NEK11: variants seen among roughly 807,000 people sequenced by gnomAD.
NEK11 encodes NIMA related kinase 11.
NEK11 carries 72 observed loss-of-function variants against 80.7 expected under a neutral mutation model. The observed-to-expected ratio is 0.89, with a 90% CI of 0.74 to 1.08. NEK11 has a LOEUF of 1.08. NEK11 is among the 50% of genes least tolerant of loss of function. The pLI, the probability that NEK11 is intolerant of heterozygous loss-of-function variation, is 0.00. For missense variants in NEK11, 764 were observed against 763.6 expected (o/e 1.00, Z -0.01); for synonymous variants, 251 against 260.7 (o/e 0.96, Z 0.36).
chr3:131,160,160 T>A (rs1448568920), intron 10 of NEK11, among the ~76,000 whole-genome samples: 6 of 151,878 alleles, frequency 4.0e-5, no homozygotes, highest in Non-Finnish European at 8.8e-5. Context: ...AAAGAAAAAA[T>A]TTTAAAGGCA....
chr3:131,107,099 C>T (rs2079298692), intron 4 of NEK11, among the ~76,000 whole-genome samples: 1 of 152,004 alleles, frequency 6.6e-6, no homozygotes, highest in African/African-American at 2.4e-5. Flanking sequence ...AAGAGTGTGT[C>T]CCATTGCTTT....
At chr3:131,272,378 G>C (rs1271773810) in intron 16 of NEK11, among the ~76,000 whole-genome samples, 1 of 151,480 alleles carries the variant, frequency 6.6e-6, no homozygotes, top group Non-Finnish European at 1.5e-5. Flanking sequence ...CCCAGTTCCA[G>C]GGAGGAAAGA....
chr3:131,347,351 C>G (rs1349607040), intron 17 of NEK11, among the ~76,000 whole-genome samples: 3 of 152,192 alleles, frequency 2.0e-5, no homozygotes, highest in Non-Finnish European at 4.4e-5. Flanking sequence ...AATGCAAAAG[C>G]ACTTTGCAAG....
At chr3:131,298,205 G>C (rs1435556254) in intron 17 of NEK11, among the ~76,000 whole-genome samples, 1 of 151,804 alleles carries the variant, frequency 6.6e-6, no homozygotes, top group Admixed American at 6.6e-5. Context: ...TGTGAAGAAA[G>C]TCATTGGTAG....
At chr3:131,256,177 G>A (rs961442288) in intron 16 of NEK11, among the ~76,000 whole-genome samples, 1 of 152,054 alleles carries the variant, frequency 6.6e-6, no homozygotes, top group Admixed American at 6.6e-5. Context: ...ATATCATATT[G>A]TACATTTCAA....
chr3:131,065,041 G>T (rs530712991), intron 3 of NEK11, among the ~76,000 whole-genome samples: 2 of 152,294 alleles, frequency 1.3e-5, no homozygotes, highest in African/African-American at 4.8e-5. Flanking sequence ...GTACAAGGAA[G>T]GAACTTTACA....
In NEK11 at chr3:131,133,976, A is replaced by G. The variant is rs1468469406; in HGVS notation, c.647+20A>G. The G allele has an allele frequency of 6.3e-7, 1 of 1,575,996 alleles. No homozygotes were observed. The highest frequency in any genetic ancestry group is 1.2e-5 in the South Asian group (1 of 82,424). On this transcript the variant is annotated intron_variant, in intron 7 of 17. Transcript: ENST00000383366. The stretch of plus-strand genomic sequence containing the variant: ...CATCTGGTGAGTGGGCTAGTGGGCT[A>G]GACTCTTCATCTGCTTCCCTAAAAG...
chr3:131,328,475 G>A (rs2097014986), intron 17 of NEK11: 1 of 152,096 alleles, frequency 6.6e-6, no homozygotes, highest in Non-Finnish European at 1.5e-5. Flanking sequence ...GAGCAATCTT[G>A]AAAACAACAG....
chr3:131,111,914 G>T (rs1452906779), intron 5 of NEK11, among the ~76,000 whole-genome samples: 1 of 152,148 alleles, frequency 6.6e-6, no homozygotes, highest in East Asian at 1.9e-4. Context: ...ATCAAAAGGG[G>T]TTTTAAAAAC....
intron 3 of NEK11, among the ~76,000 whole-genome samples, chr3:131,049,744 T>C (rs565495421): frequency 4.6e-5 from 7 of 152,350 alleles, no homozygotes; most frequent in African/African-American, 1.7e-4. Flanking sequence ...ATAACAATAA[T>C]ATATGATCCT....
chr3:131,169,597 C>T (rs897313414), intron 13 of NEK11, among the ~76,000 whole-genome samples: 1 of 152,086 alleles, frequency 6.6e-6, no homozygotes, highest in Non-Finnish European at 1.5e-5. Context: ...TAAGACAGGC[C>T]AGGTCTGTCT....
chr3:131,135,060 CTAAAGAAGACAAAGTAGAAAA>C (rs2149614841), intron 7 of NEK11, among the ~76,000 whole-genome samples: 1 of 152,238 alleles, frequency 6.6e-6, no homozygotes, highest in South Asian at 2.1e-4. Context: ...CTTCACTCTT[CTAAAGAAGACAAAGTAGAAAA>C]TTACATTTTC....
At position 131,109,813 on chromosome 3, in the gene NEK11, TG is replaced by T; in HGVS notation, c.349del (p.Asp117ThrfsTer19). ...TGCTCTTCATTTCAGGGCCGAGATCTGGACGATAAAATTCAGGAATATAAAC... is the reference window on the plus strand; with the variant it reads ...TGCTCTTCATTTCAGGGCCGAGATCTGACGATAAAATTCAGGAATATAAAC... ...IITEYCEGRD[L>X]DDKIQEYKQA... On this transcript the variant is annotated frameshift_variant, in exon 5 of 18. Coordinates refer to ENST00000383366, the MANE Select transcript of NEK11 (RefSeq NM_024800.5). LOFTEE classifies it high-confidence loss of function. 6.3e-7 allele frequency: 1 copy of T among 1,598,112 alleles called. No homozygotes were observed. Among genetic ancestry groups the T allele is most frequent in the Non-Finnish European group, 8.5e-7 (1 of 1,175,328 alleles).
intron 12 of NEK11, among the ~76,000 whole-genome samples, chr3:131,167,094 ATGT>A (rs1382023742): frequency 6.6e-6 from 1 of 152,202 alleles, no homozygotes; most frequent in Non-Finnish European, 1.5e-5. Context: ...ATGCTCAGAG[ATGT>A]TGTATTTCTT....
At chr3:131,262,564 A>G (rs1437572667) in intron 16 of NEK11, among the ~76,000 whole-genome samples, 1 of 152,162 alleles carries the variant, frequency 6.6e-6, no homozygotes, top group African/African-American at 2.4e-5. Context: ...ACAATGTTAT[A>G]TAAAAATGGC....
At chr3:131,298,705 GTGGTGGTGGTAA>G (rs2096628021) in intron 17 of NEK11, among the ~76,000 whole-genome samples, 3 of 151,838 alleles carry the variant, frequency 2.0e-5, no homozygotes, top group South Asian at 2.1e-4. Flanking sequence ...GGTGGTGGTG[GTGGTGGTGGTAA>G]TGGTGGTGGT....
At chr3:131,191,116 G>A (rs114614624) in intron 14 of NEK11, among the ~76,000 whole-genome samples, 2,668 of 152,180 alleles carry the variant, frequency 0.018, 97 homozygotes, top group African/African-American at 0.062. Context: ...CAACTACTCA[G>A]TTTCAGTTTT....
chr3:131,104,065 G>A (rs899521455), intron 4 of NEK11, among the ~76,000 whole-genome samples: 1 of 152,210 alleles, frequency 6.6e-6, no homozygotes, highest in Non-Finnish European at 1.5e-5. Flanking sequence ...AGTAGGTGGG[G>A]TGGGGGCTCT....
intron 3 of NEK11, among the ~76,000 whole-genome samples, chr3:131,037,770 C>T (rs1033057822): frequency 2.6e-5 from 4 of 152,014 alleles, no homozygotes; most frequent in African/African-American, 9.7e-5. Context: ...ATCATTTTAA[C>T]ATATCTTTAC....
Sources: allele counts gnomAD v4.1 joint callset (sites outside exome capture counted in the v4.1 genomes callset), GRCh38; gene constraint gnomAD v4.1.1; transcripts MANE v1.5; gene names NCBI Gene and HGNC (gene_info 2026-07-23, HGNC 2026-07-21).